Variants in USP50 observed in about 807,000 individuals in gnomAD.
The protein encoded by USP50 is ubiquitin carboxyl-terminal hydrolase 50.
A neutral mutation model predicts 39.2 loss-of-function variants in USP50; 37 were observed. That is an observed-to-expected ratio of 0.94 (90% CI 0.73 to 1.24). USP50 has a LOEUF of 1.24. Ranked by LOEUF, USP50 falls within the 50% of genes most tolerant of loss-of-function variation. The probability of loss-of-function intolerance (pLI) is 0.00; values close to 1 mark genes in which losing one functional copy is unlikely to be tolerated. For synonymous variants in USP50, 139 were observed against 144.5 expected (o/e 0.96, Z 0.27); for missense variants, 374 against 398.2 (o/e 0.94, Z 0.52).
intron 6 of USP50, chr15:50,505,335 C>T (rs1417680021): frequency 6.6e-6 from 1 of 152,124 alleles, no homozygotes; most frequent in African/African-American, 2.4e-5. Context: ...GGTAGAAGTT[C>T]TCCATAGCAG....
At chr15:50,498,513 G>C, downstream of USP50, 1 of 1,452,374 alleles carries the variant, frequency 6.9e-7, no homozygotes, top group South Asian at 1.6e-5. Flanking sequence ...TTACAGTCCT[G>C]GCTAAAAATC....
chr15:50,525,056 T>C (rs1047115643), intron 6 of USP50, among the ~76,000 whole-genome samples: 7 of 152,086 alleles, frequency 4.6e-5, no homozygotes, highest in African/African-American at 1.7e-4. Context: ...GATAAATGAA[T>C]AAAGAAAACA....
At chr15:50,502,075 C>G (rs1301897562) in intron 6 of USP50, 1 of 152,202 alleles carries the variant, frequency 6.6e-6, no homozygotes, top group Non-Finnish European at 1.5e-5. Flanking sequence ...TTGCTGACCT[C>G]TGCTGTAGAG....
intron 5 of USP50, among the ~76,000 whole-genome samples, chr15:50,538,037 G>A (rs2141377117): frequency 6.6e-6 from 1 of 151,632 alleles, no homozygotes; most frequent in South Asian, 2.1e-4. Flanking sequence ...AAAACTTTGG[G>A]AGACCGAGGT....
At position 50,534,175 on chromosome 15, in the gene USP50, C is replaced by T. The variant is rs149217467; in HGVS notation, c.804-4246G>A. ...AAAACAATAATAGGGACAATATATT[C>T]AATTATGTATGCTTATGCATATATC... is the stretch of plus-strand genomic sequence containing the variant. On this transcript the variant is annotated intron_variant, in intron 5 of 6. Transcript: ENST00000532404. Among the ~76,000 whole-genome samples, 1,223 of 152,070 alleles carry T rather than the reference C, an allele frequency of 8.0e-3. 15 individuals carry two copies. Among genetic ancestry groups the T allele is most frequent in the African/African-American group, 0.027 (1,140 of 41,486 alleles).
chr15:50,500,864 A>C, intron 6 of USP50, 27 bp from the exon 7 acceptor site: 1 of 1,549,898 alleles, frequency 6.5e-7, no homozygotes, highest in Non-Finnish European at 8.8e-7. Flanking sequence ...TGTCAAACTT[A>C]GTATTCACAT....
chr15:50,537,906 GAGGGAAGGGA>G (rs1207629105), intron 5 of USP50, among the ~76,000 whole-genome samples: 1,307 of 7,882 alleles, frequency 0.17, 97 homozygotes, highest in Middle Eastern at 0.4. Context: ...GAGGGAAGGG[GAGGGAAGGGA>G]AGGGAAGGGA....
chr15:50,496,068 G>A (rs184335240), downstream of USP50: 5 of 1,611,376 alleles, frequency 3.1e-6, no homozygotes, highest in East Asian at 6.7e-5. Context: ...GCATCCACAA[G>A]TAAATGTACA....
chr15:50,495,198 A>T (rs566600561), intron 1 of USP50, among the ~76,000 whole-genome samples: 59 of 149,468 alleles, frequency 3.9e-4, no homozygotes, highest in African/African-American at 1.4e-3. Flanking sequence ...AGATATATAT[A>T]TATATACACA....
chr15:50,544,701 C>T lies in USP50; in HGVS notation c.134G>A (p.Gly45Asp). Residue 45 changes from glycine to aspartate, a missense_variant, in exon 2 of 7, where the codon GGC (glycine) becomes GAC (aspartate). Coordinates refer to ENST00000532404, the MANE Select transcript of USP50 (RefSeq NM_203494.5). ...GCATGTGTTGCCCAAGTTCCACAAG[C>T]CAGTGACACCCTGAAAATGGGGCTG... is the stretch of plus-strand genomic sequence containing the variant. ...GNQPHFQGVT[G>D]LWNLGNTCCV... 5 of 1,613,974 alleles carry T rather than the reference C, an allele frequency of 3.1e-6. No homozygotes were observed. Among genetic ancestry groups the T allele is most frequent in the Non-Finnish European group, 4.2e-6 (5 of 1,179,878 alleles).
chr15:50,518,520 G>A (rs1250171347), intron 6 of USP50, among the ~76,000 whole-genome samples: 1 of 151,938 alleles, frequency 6.6e-6, no homozygotes, highest in Non-Finnish European at 1.5e-5. Context: ...CCAGCCAACT[G>A]ATTCTTCAAA....
At chr15:50,546,093 A>G (rs2053068871) in intron 1 of USP50, among the ~76,000 whole-genome samples, 1 of 151,910 alleles carries the variant, frequency 6.6e-6, no homozygotes, top group African/African-American at 2.4e-5. Context: ...GTATTGTGCC[A>G]GGCAGCCTGG....
At chr15:50,501,026 T>TA in intron 6 of USP50, 189 bp from the exon 7 acceptor site, 1 of 550,524 alleles carries the variant, frequency 1.8e-6, no homozygotes, top group East Asian at 3.1e-5. Flanking sequence ...TGTAACTACT[T>TA]ATATGTTGTG....
At chr15:50,538,121 A>AAAAAAATTAGCTGGGT (rs2052996782) in intron 5 of USP50, among the ~76,000 whole-genome samples, 1 of 150,544 alleles carries the variant, frequency 6.6e-6, no homozygotes, top group Non-Finnish European at 1.5e-5. Context: ...CAAAAATACA[A>AAAAAAATTAGCTGGGT]AAAAAATTAG....
chr15:50,531,098 T>C (rs2052936994), intron 5 of USP50, among the ~76,000 whole-genome samples: 1 of 152,120 alleles, frequency 6.6e-6, no homozygotes, highest in African/African-American at 2.4e-5. Flanking sequence ...AAATGGCTGA[T>C]GGAGGTCTGA....
downstream of USP50, chr15:50,496,175 A>G (rs2052393586): frequency 5.4e-6 from 6 of 1,105,424 alleles, no homozygotes; most frequent in Admixed American, 4.7e-5. Context: ...CTTTACCCTT[A>G]CAAACATTTT....
At chr15:50,509,825 C>A (rs951220644) in intron 6 of USP50, 1 of 151,982 alleles carries the variant, frequency 6.6e-6, no homozygotes, top group African/African-American at 2.4e-5. Context: ...GAATAAGTTA[C>A]CAAAATGACT....
At position 50,543,703 on chromosome 15, in the gene USP50, C is replaced by T. The variant is rs781320341; in HGVS notation, c.339G>A (p.Trp113Ter). 4 of 1,612,406 alleles carry T rather than the reference C, an allele frequency of 2.5e-6. No individual in the cohort carries two copies. Among genetic ancestry groups the T allele is most frequent in the Non-Finnish European group, 3.4e-6 (4 of 1,179,184 alleles). Residue 113 changes from tryptophan (W) to a stop codon, truncating the protein, a stop_gained, in exon 3 of 7, where the codon TGG (tryptophan) becomes TGA (stop). Transcript: ENST00000532404. LOFTEE classifies it high-confidence loss of function. ...CTGGGTAGAGGTTGCCAAGAGCTGA[C>T]CAGAATATTTCTGGTGAGACACAGT... is the stretch of plus-strand genomic sequence containing the variant. ...DSDCVSPEIF[W>*]SALGNLYPAF...
chr15:50,530,028 T>C, intron 5 of USP50, 99 bp from the exon 6 acceptor site: 3 of 1,499,350 alleles, frequency 2.0e-6, no homozygotes, highest in Non-Finnish European at 2.7e-6. Flanking sequence ...ATTTCTTGAC[T>C]GGGCACAGTG....
Sources: allele counts gnomAD v4.1 joint callset (sites outside exome capture counted in the v4.1 genomes callset), GRCh38; gene constraint gnomAD v4.1.1; transcripts MANE v1.5; gene names NCBI Gene and HGNC (gene_info 2026-07-23, HGNC 2026-07-21).